The following RPS6KA3 variants were observed in gnomAD, a reference collection of about 807,000 sequenced individuals.
RPS6KA3 encodes the protein ribosomal protein S6 kinase A3.
RPS6KA3 carries 4 observed loss-of-function variants against 67.2 expected under a neutral mutation model. The ratio of observed to expected loss-of-function variants is 0.06; its 90% CI spans 0.03 to 0.14. The LOEUF is 0.14. RPS6KA3 is among the 10% of genes least tolerant of loss of function. The pLI, the probability that RPS6KA3 is intolerant of heterozygous loss-of-function variation, is 1.00. For synonymous variants in RPS6KA3, 182 were observed against 183.7 expected, an observed-to-expected ratio of 0.99 and a Z score of 0.07; for missense variants, 204 against 559.0, an observed-to-expected ratio of 0.36 and a Z score of 6.40.
chrX:20,179,907 T>C (rs1183655064), intron 10 of RPS6KA3, among the ~76,000 whole-genome samples: 1 of 109,417 alleles, frequency 9.1e-6, no homozygotes, highest in Non-Finnish European at 1.9e-5. Context: ...CCTGGCAACA[T>C]AGCAAGATAC....
chrX:20,193,858 GACAGTAACAT>G (rs2068203771), intron 6 of RPS6KA3, among the ~76,000 whole-genome samples: 1 of 112,156 alleles, frequency 8.9e-6, no homozygotes, highest in Non-Finnish European at 1.9e-5. Context: ...GTTGTCCCAT[GACAGTAACAT>G]TTTAGAAATG....
intron 3 of RPS6KA3, among the ~76,000 whole-genome samples, chrX:20,207,347 A>G: frequency 8.9e-6 from 1 of 112,097 alleles, no homozygotes; most frequent in Middle Eastern, 4.6e-3. Context: ...AATGAAATAG[A>G]ACAGTTTGAG....
Position 20,266,678 on chromosome X carries a change from C to T in RPS6KA3, c.-46G>A. Reference sequence around the variant, plus strand: ...CTTCACCGCCTCCTCCCTCCCCGCCCGCCCCACGGCCGGCCCCGCTCCGTC... The same window carrying T: ...CTTCACCGCCTCCTCCCTCCCCGCCTGCCCCACGGCCGGCCCCGCTCCGTC... On this transcript the variant is annotated 5_prime_UTR_variant, in exon 1 of 22. Transcript: ENST00000379565. 9.9e-7 allele frequency: 1 copy of T among 1,012,074 alleles called. No individual in the cohort carries two copies. Among genetic ancestry groups the T allele is most frequent in the Non-Finnish European group, 1.3e-6 (1 of 774,083 alleles). The allele number at this position is 1,012,074 out of a possible 1,213,427, so 83.4% of individuals were successfully genotyped here.
chrX:20,186,836 C>T (rs768154152), intron 9 of RPS6KA3, among the ~76,000 whole-genome samples: 1 of 112,007 alleles, frequency 8.9e-6, no homozygotes, highest in South Asian at 3.7e-4. Flanking sequence ...TTCATATGAA[C>T]TTATTTATTT....
At chrX:20,189,960 T>C (rs2068081965) in intron 7 of RPS6KA3, among the ~76,000 whole-genome samples, 1 of 110,540 alleles carries the variant, frequency 9.0e-6, no homozygotes, top group Non-Finnish European at 1.9e-5. Flanking sequence ...TCTGCTTGAT[T>C]ATGAAGAGAT....
rs867926682 is a variant in RPS6KA3, at chrX:20,266,765, G to A, written c.-133C>T. On this transcript the variant is annotated 5_prime_UTR_variant, in exon 1 of 22. Transcript: ENST00000379565. The stretch of plus-strand genomic sequence containing the variant: ...CGGCGGCGGCAGCGGCAGCGGCAGC[G>A]GCAGCAGCAGCAGCAGCGGCGGCGG... 8.1e-4 allele frequency: 73 copies of A among 89,800 alleles called. No homozygotes were observed. The highest frequency in any genetic ancestry group is 1.9e-3 in the Admixed American group (8 of 4,230). 7.4% of individuals were successfully genotyped at this position (89,800 alleles called of 1,213,427 possible).
At chrX:20,186,425 G>C (rs1210538473) in intron 9 of RPS6KA3, 59 bp from the exon 10 acceptor site, 2 of 647,748 alleles carry the variant, frequency 3.1e-6, no homozygotes, top group East Asian at 3.5e-5. Flanking sequence ...CTGAAGGCCA[G>C]AAGGTAAAAA....
At chrX:20,171,822 A>T (rs1306881007) in intron 15 of RPS6KA3, among the ~76,000 whole-genome samples, 1 of 112,285 alleles carries the variant, frequency 8.9e-6, no homozygotes, top group African/African-American at 3.2e-5. Context: ...GAAAACTTCT[A>T]TGTATCTTAG....
At chrX:20,254,018 T>C (rs575524482) in intron 1 of RPS6KA3, among the ~76,000 whole-genome samples, 3 of 112,044 alleles carry the variant, frequency 2.7e-5, no homozygotes, top group African/African-American at 9.7e-5. Flanking sequence ...GACATTTCTC[T>C]AAGGATTACT....
rs996264009 is a variant in RPS6KA3 at position 20,266,571 on chromosome X, C to T, written c.62G>A (p.Ser21Asn). 2 of 1,153,631 alleles carry T rather than the reference C, an allele frequency of 1.7e-6. No individual in the cohort carries two copies. The highest frequency in any genetic ancestry group is 6.6e-5 in the East Asian group (2 of 30,418). The change falls in exon 1 of 22, where the codon AGC (serine) becomes AAC (asparagine). Residue 21 changes from serine to asparagine, a missense_variant. This residue lies in a region of RPS6KA3 where 31 missense variants were observed against 42.5 expected (regional missense o/e 0.73). Coordinates refer to ENST00000379565, the MANE Select transcript of RPS6KA3 (RefSeq NM_004586.3). ...QKMAVESPSD[S>N]AENGQQIMDE... ...CCGCCCTGCTGCACTCACCTCAGCG[C>T]TGTCGGACGGGCTCTCCACAGCCAT...
At chrX:20,215,290 T>C (rs184927227) in intron 2 of RPS6KA3, among the ~76,000 whole-genome samples, 2 of 110,878 alleles carry the variant, frequency 1.8e-5, no homozygotes, top group African/African-American at 3.3e-5. Context: ...CCAAAACAGA[T>C]GCAATCATTT....
At chrX:20,261,155 AG>A (rs1165445946) in intron 1 of RPS6KA3, among the ~76,000 whole-genome samples, 1 of 90,298 alleles carries the variant, frequency 1.1e-5, no homozygotes, top group African/African-American at 4.3e-5. Flanking sequence ...GGGGTTACAG[AG>A]GGGGTGGGGG....
At chrX:20,158,696 A>G (rs1221407235) in intron 20 of RPS6KA3, among the ~76,000 whole-genome samples, 2 of 111,962 alleles carry the variant, frequency 1.8e-5, no homozygotes, top group Non-Finnish European at 3.8e-5. Flanking sequence ...TATAATTTTA[A>G]TCAAATCTAT....
chrX:20,218,898 G>A lies in RPS6KA3; in HGVS notation c.127-9494C>T, dbSNP rs1240831314. On this transcript the variant is annotated intron_variant, in intron 2 of 21. Coordinates refer to ENST00000379565, the MANE Select transcript of RPS6KA3 (RefSeq NM_004586.3). Reference sequence around the variant, plus strand: ...TGACGGTAAAACTTAAGTTAGAAAGGGAAGGCCAAGCCCCTGCAAAGTTTT... The same window carrying A: ...TGACGGTAAAACTTAAGTTAGAAAGAGAAGGCCAAGCCCCTGCAAAGTTTT... 3.0e-6 allele frequency: 3 copies of A among 1,015,238 alleles called. No homozygotes were observed. In the East Asian group the frequency reaches 9.2e-5, roughly 31 times the overall value. 83.7% of individuals were successfully genotyped at this position (1,015,238 alleles called of 1,213,427 possible). A position where few individuals can be genotyped will look rare whatever the true frequency, so the allele number is the denominator to read the frequency against.
intron 7 of RPS6KA3, among the ~76,000 whole-genome samples, chrX:20,191,370 G>A (rs1235524908): frequency 1.8e-5 from 2 of 111,498 alleles, no homozygotes; most frequent in Non-Finnish European, 3.8e-5. Context: ...ATTTATAATC[G>A]TTTGGGTATA....
At chrX:20,245,309 A>T (rs1244039197) in intron 1 of RPS6KA3, among the ~76,000 whole-genome samples, 2 of 111,936 alleles carry the variant, frequency 1.8e-5, no homozygotes, top group Non-Finnish European at 3.8e-5. Context: ...GAAGTTACTG[A>T]TTCTATGTTT....
At chrX:20,186,609 T>C (rs757251706) in intron 9 of RPS6KA3, among the ~76,000 whole-genome samples, 1 of 109,742 alleles carries the variant, frequency 9.1e-6, no homozygotes, top group African/African-American at 3.3e-5. Context: ...TATTTTTTTT[T>C]TGAGACAGGG....
chrX:20,190,380 C>T (rs1290989523), intron 7 of RPS6KA3, among the ~76,000 whole-genome samples: 1 of 111,558 alleles, frequency 9.0e-6, no homozygotes. Context: ...TATAATTCAC[C>T]AAGTAAGTGT....
rs766587391 is a variant in RPS6KA3 at position 20,168,037 on chromosome X, G to A, written c.1444-290C>T. On this transcript the variant is annotated intron_variant, in intron 16 of 21. Coordinates refer to ENST00000379565, the MANE Select transcript of RPS6KA3 (RefSeq NM_004586.3). Reference sequence around the variant, plus strand: ...TAATTTTTGCATTTTTTGTAGAGACGAGCTTTTGCTGTGTCTCCATGAGCA... The same window carrying A: ...TAATTTTTGCATTTTTTGTAGAGACAAGCTTTTGCTGTGTCTCCATGAGCA... Among the ~76,000 whole-genome samples the A allele has an allele frequency of 5.4e-5, 6 of 111,658 alleles. No individual in the cohort carries two copies. In the South Asian group the frequency reaches 1.1e-3, roughly 21 times the overall value.
Sources: allele counts gnomAD v4.1 joint callset (sites outside exome capture counted in the v4.1 genomes callset), GRCh38; gene constraint gnomAD v4.1.1; regional missense constraint gnomAD v4.1.1; transcripts MANE v1.5; gene names NCBI Gene and HGNC (gene_info 2026-07-23, HGNC 2026-07-21).